Variants in CAMK2B observed in about 807,000 individuals in gnomAD.
CAMK2B encodes the protein calcium/calmodulin dependent protein kinase II beta, also known as calcium/calmodulin-dependent protein kinase type II subunit beta.
A neutral mutation model predicts 93.7 loss-of-function variants in CAMK2B; 27 were observed. That is an observed-to-expected ratio of 0.29 (90% CI 0.21 to 0.40). The LOEUF is 0.40. CAMK2B is among the 10% of genes least tolerant of loss of function. The probability of loss-of-function intolerance (pLI) is 1.00; values close to 1 mark genes in which losing one functional copy is unlikely to be tolerated. For synonymous variants in CAMK2B, 374 were observed against 358.8 expected (o/e 1.04, Z -0.48); for missense variants, 568 against 895.8 (o/e 0.63, Z 4.67).
intron 19 of CAMK2B, among the ~76,000 whole-genome samples, chr7:44,227,915 G>C (rs951260372): frequency 7.4e-6 from 1 of 135,246 alleles, no homozygotes; most frequent in African/African-American, 2.7e-5. Flanking sequence ...GACTTAGGGG[G>C]ACGTGGAGAG....
At chr7:44,259,842 G>A (rs982528068) in intron 3 of CAMK2B, among the ~76,000 whole-genome samples, 6 of 152,186 alleles carry the variant, frequency 3.9e-5, no homozygotes, top group Non-Finnish European at 5.9e-5. Flanking sequence ...CGAGGACGAC[G>A]ACAGCCAACA....
rs375437226 is a variant in CAMK2B, at chr7:44,220,790, G to A, written c.1673+36C>T. The A allele has an allele frequency of 4.8e-5, 75 of 1,559,906 alleles. No homozygotes were observed. The African/African-American group carries it at 8.7e-4, about 18-fold the overall frequency. The stretch of plus-strand genomic sequence containing the variant: ...GCCCCCCCAAGGGTCCCACATCCTT[G>A]TCCTGCACAGCCCCCCCCCAGCCCC... On this transcript the variant is annotated intron_variant, in intron 21 of 23. Transcript: ENST00000395749.
chr7:44,323,535 G>A (rs1563135542), intron 1 of CAMK2B, among the ~76,000 whole-genome samples: 1 of 152,238 alleles, frequency 6.6e-6, no homozygotes, highest in Non-Finnish European at 1.5e-5. Flanking sequence ...GAGGCTCAGC[G>A]GGGAGCTGGC....
intron 16 of CAMK2B, among the ~76,000 whole-genome samples, chr7:44,231,287 C>G (rs1198484931): frequency 6.6e-6 from 1 of 152,204 alleles, no homozygotes. Flanking sequence ...GGAGAAGACA[C>G]CCAGTTCTGT....
chr7:44,280,820 G>A (rs1347462934), intron 2 of CAMK2B, among the ~76,000 whole-genome samples: 20 of 152,106 alleles, frequency 1.3e-4, no homozygotes, highest in Non-Finnish European at 4.4e-5. Context: ...AGGTCACAGC[G>A]GCAGCGCAAC....
intron 1 of CAMK2B, among the ~76,000 whole-genome samples, chr7:44,285,866 C>T (rs1360591177): frequency 1.1e-4 from 2 of 17,636 alleles, no homozygotes; most frequent in Non-Finnish European, 2.2e-4. Context: ...GCGTGGGGGG[C>T]GCGGCGGGGG....
At chr7:44,253,201 GT>G (rs1198673884) in intron 5 of CAMK2B, among the ~76,000 whole-genome samples, 177 of 143,546 alleles carry the variant, frequency 1.2e-3, no homozygotes, top group African/African-American at 3.6e-3. Context: ...TTTAAAAAGA[GT>G]TTTTTTTTTT....
intron 1 of CAMK2B, among the ~76,000 whole-genome samples, chr7:44,303,367 ACCGG>A (rs1790621641): frequency 6.6e-6 from 1 of 152,296 alleles, no homozygotes; most frequent in African/African-American, 2.4e-5. Context: ...ACAATCAAAT[ACCGG>A]CAAGTTATTT....
intron 19 of CAMK2B, 93 bp from the exon 20 acceptor site, chr7:44,226,737 G>T: frequency 9.4e-7 from 1 of 1,064,440 alleles, no homozygotes; most frequent in Non-Finnish European, 1.3e-6. Context: ...AGAGATTGAG[G>T]GGCACAGAGG....
At chr7:44,270,076 C>T (rs1290977260) in intron 2 of CAMK2B, among the ~76,000 whole-genome samples, 1 of 122,812 alleles carries the variant, frequency 8.1e-6, no homozygotes, top group Admixed American at 7.7e-5. Context: ...AAGAACGTAC[C>T]CCCCCCCCAT....
At chr7:44,241,566 G>T in intron 11 of CAMK2B, 134 bp downstream of exon 11, 1 of 706,280 alleles carries the variant, frequency 1.4e-6, no homozygotes, top group East Asian at 2.5e-5. Context: ...ATCCAGTCTG[G>T]GACTTGCTAA....
At chr7:44,309,206 C>T (rs752544688) in intron 1 of CAMK2B, among the ~76,000 whole-genome samples, 3 of 152,232 alleles carry the variant, frequency 2.0e-5, no homozygotes, top group Non-Finnish European at 4.4e-5. Context: ...GGCTGGTGCT[C>T]CTCCCTGCAG....
At chr7:44,262,084 G>A (rs1161393692) in intron 3 of CAMK2B, among the ~76,000 whole-genome samples, 2 of 152,228 alleles carry the variant, frequency 1.3e-5, no homozygotes, top group African/African-American at 4.8e-5. Context: ...CAGATGAGGC[G>A]AGGTGGTTCC....
Position 44,217,887 on chromosome 7 carries a change from A to T in CAMK2B, c.*1638T>A, listed in dbSNP as rs1256498109. On this transcript the variant is annotated 3_prime_UTR_variant, in exon 24 of 24. Transcript: ENST00000395749. The stretch of plus-strand genomic sequence containing the variant: ...GGCTTCAGACCCACCCTGCAGCCCC[A>T]CCATGCTCGGGCTTGCCCTGTCCCC... The T allele has an allele frequency of 6.6e-6, 1 of 151,892 alleles. No homozygotes were observed. The highest frequency in any genetic ancestry group is 2.4e-5 in the African/African-American group (1 of 41,280). The allele number at this position is 151,892 out of a possible 1,614,324, so 9.4% of individuals were successfully genotyped here.
chr7:44,234,720 G>C (rs1161890684), intron 13 of CAMK2B, 44 bp from the exon 14 acceptor site: 12 of 1,605,238 alleles, frequency 7.5e-6, no homozygotes, highest in Non-Finnish European at 1.0e-5. Flanking sequence ...GATGGGCCTG[G>C]GTCTCGCTGC....
At chr7:44,260,341 G>A (rs1454599701) in intron 3 of CAMK2B, among the ~76,000 whole-genome samples, 1 of 152,122 alleles carries the variant, frequency 6.6e-6, no homozygotes, top group Non-Finnish European at 1.5e-5. Flanking sequence ...GGCTTCTGGG[G>A]CCTAGGCCTC....
intron 2 of CAMK2B, among the ~76,000 whole-genome samples, chr7:44,269,696 G>A (rs999285066): frequency 4.6e-5 from 7 of 152,240 alleles, no homozygotes; most frequent in African/African-American, 7.2e-5. Flanking sequence ...CGGGGGCGGC[G>A]GAGGGGCAGG....
intron 2 of CAMK2B, among the ~76,000 whole-genome samples, chr7:44,266,740 C>A (rs1218861188): frequency 6.6e-6 from 1 of 152,210 alleles, no homozygotes; most frequent in Admixed American, 6.5e-5. Context: ...CGGGGCACCC[C>A]TTCCTGAAGG....
At chr7:44,305,304 T>C (rs1358157022) in intron 1 of CAMK2B, among the ~76,000 whole-genome samples, 2 of 152,182 alleles carry the variant, frequency 1.3e-5, no homozygotes, top group African/African-American at 4.8e-5. Context: ...AGCATGGATG[T>C]GGAGGTGGGA....
Sources: gnomAD v4.1 joint callset for allele counts (sites outside exome capture counted in the v4.1 genomes callset) on GRCh38, gnomAD v4.1.1 for gene constraint, MANE v1.5 for transcripts, NCBI Gene and HGNC (gene_info 2026-07-23, HGNC 2026-07-21) for gene names.